Variants in CADM2 observed in about 807,000 individuals in gnomAD.
The protein encoded by CADM2 is cell adhesion molecule 2.
Under a neutral mutation model 49.8 loss-of-function variants are expected in CADM2, and 12 were observed. The ratio of observed to expected loss-of-function variants is 0.24; its 90% CI spans 0.15 to 0.39. The LOEUF is 0.39. CADM2 is among the 10% of genes least tolerant of loss of function. CADM2 has a pLI of 1.00. For missense variants in CADM2, 378 were observed against 492.3 expected (o/e 0.77, Z 2.20); for synonymous variants, 214 against 175.4 (o/e 1.22, Z -1.74).
At chr3:85,654,983 G>A (rs946673624) in intron 1 of CADM2, among the ~76,000 whole-genome samples, 1 of 152,084 alleles carries the variant, frequency 6.6e-6, no homozygotes, top group Non-Finnish European at 1.5e-5. Context: ...AAAAAATTGG[G>A]AATTAAATCA....
intron 8 of CADM2, among the ~76,000 whole-genome samples, chr3:86,034,939 C>A (rs1302473809): frequency 6.6e-6 from 1 of 151,938 alleles, no homozygotes; most frequent in Non-Finnish European, 1.5e-5. Context: ...TTGTTGCAGG[C>A]TTTATTTGTC....
intron 7 of CADM2, among the ~76,000 whole-genome samples, chr3:85,954,653 T>C (rs115220744): frequency 1.3e-5 from 2 of 151,330 alleles, no homozygotes; most frequent in Non-Finnish European, 3.0e-5. Flanking sequence ...AAAGGGGAAA[T>C]GCCTAAGCTA....
intron 3 of CADM2, among the ~76,000 whole-genome samples, chr3:85,828,697 A>C (rs2074039309): frequency 1.3e-5 from 2 of 151,766 alleles, no homozygotes; most frequent in South Asian, 2.1e-4. Flanking sequence ...TTGTTCTTTC[A>C]GCTATCTAAC....
intron 1 of CADM2, among the ~76,000 whole-genome samples, chr3:85,652,742 A>G (rs1343767793): frequency 6.7e-6 from 1 of 149,618 alleles, no homozygotes; most frequent in Non-Finnish European, 1.5e-5. Context: ...CAATGTGCAT[A>G]CAAATAACCT....
chr3:85,598,418 A>AT (rs2063304205), intron 1 of CADM2, among the ~76,000 whole-genome samples: 1 of 151,912 alleles, frequency 6.6e-6, no homozygotes, highest in African/African-American at 2.4e-5. Context: ...AATATTTAGA[A>AT]TTTTTTAGAT....
chr3:85,966,524 T>A lies in CADM2; in HGVS notation c.970+4877T>A, dbSNP rs879454368. The stretch of plus-strand genomic sequence containing the variant: ...TCCTTTATTATCTTAACTCTTGCTA[T>A]CATTTAGAATGAAATTGCCCACTAT... On this transcript the variant is annotated intron_variant, in intron 8 of 9. Coordinates refer to ENST00000383699, the MANE Select transcript of CADM2 (RefSeq NM_001167675.2). Among the ~76,000 whole-genome samples, 61 of 151,688 alleles carry A rather than the reference T, an allele frequency of 4.0e-4. 1 individual carries two copies. Among genetic ancestry groups the A allele is most frequent in the Non-Finnish European group, 1.5e-4 (10 of 67,790 alleles).
chr3:85,152,649 T>C (rs1179028205), intron 1 of CADM2, among the ~76,000 whole-genome samples: 1 of 152,062 alleles, frequency 6.6e-6, no homozygotes, highest in Non-Finnish European at 1.5e-5. Context: ...CACACATTCT[T>C]TCTAAAGTGT....
At chr3:85,761,367 CTTTTTTT>C (rs529447125) in intron 2 of CADM2, among the ~76,000 whole-genome samples, 2 of 101,086 alleles carry the variant, frequency 2.0e-5, no homozygotes, top group South Asian at 3.4e-4. Flanking sequence ...CAACACAAAA[CTTTTTTT>C]TTTTTTTTTT....
At chr3:85,350,388 C>T (rs1205113254) in intron 1 of CADM2, among the ~76,000 whole-genome samples, 1 of 152,092 alleles carries the variant, frequency 6.6e-6, no homozygotes, top group Non-Finnish European at 1.5e-5. Context: ...TTTATTTTGA[C>T]ATGATTGCCA....
chr3:85,117,141 A>C (rs1211385745), intron 1 of CADM2, among the ~76,000 whole-genome samples: 1 of 152,176 alleles, frequency 6.6e-6, no homozygotes, highest in Non-Finnish European at 1.5e-5. Flanking sequence ...AGATTACTTG[A>C]ACCCGGGAGG....
intron 1 of CADM2, among the ~76,000 whole-genome samples, chr3:85,090,257 C>G (rs981532951): frequency 6.6e-6 from 1 of 152,028 alleles, no homozygotes; most frequent in Admixed American, 6.6e-5. Context: ...TTTATGTGAG[C>G]AAATGGGAGA....
chr3:85,334,275 A>G (rs1410573134), intron 1 of CADM2, among the ~76,000 whole-genome samples: 1 of 151,498 alleles, frequency 6.6e-6, no homozygotes, highest in Non-Finnish European at 1.5e-5. Flanking sequence ...TTAAATAGCA[A>G]TAGGTATCAA....
chr3:85,516,480 A>G (rs1045385073), intron 1 of CADM2, among the ~76,000 whole-genome samples: 20 of 152,266 alleles, frequency 1.3e-4, no homozygotes, highest in African/African-American at 4.8e-4. Flanking sequence ...GAAAAAATAG[A>G]AGGAAAATCA....
intron 8 of CADM2, among the ~76,000 whole-genome samples, chr3:86,004,115 T>C (rs976940796): frequency 6.6e-6 from 1 of 152,012 alleles, no homozygotes; most frequent in Non-Finnish European, 1.5e-5. Flanking sequence ...GGTTGCTGCA[T>C]GAGGGATTGA....
chr3:85,849,559 A>G (rs2075012837), intron 3 of CADM2, among the ~76,000 whole-genome samples: 1 of 152,242 alleles, frequency 6.6e-6, no homozygotes, highest in Non-Finnish European at 1.5e-5. Context: ...TAACACAATT[A>G]CATTTTTATT....
chr3:85,568,467 T>C (rs113631177), intron 1 of CADM2, among the ~76,000 whole-genome samples: 12,163 of 24,414 alleles, frequency 0.5, 3,716 homozygotes, highest in East Asian at 0.76. Context: ...TTCTTTCTCT[T>C]TCTCTCTCTT....
intron 1 of CADM2, among the ~76,000 whole-genome samples, chr3:85,105,987 T>C (rs538675668): frequency 6.6e-6 from 1 of 152,168 alleles, no homozygotes; most frequent in Non-Finnish European, 1.5e-5. Flanking sequence ...GAGATATACC[T>C]AATGCTAAAT....
rs150142584 is a variant in CADM2 at position 85,812,432 on chromosome 3, T to C, written c.238+10236T>C. On this transcript the variant is annotated intron_variant, in intron 3 of 9. Transcript: ENST00000383699. ...ACTGCACCGGGGCCTAATTTCTTGG[T>C]GACATACTGATTTCTGGTGACATAG... Among the ~76,000 whole-genome samples, 379 of 152,276 alleles carry C rather than the reference T, an allele frequency of 2.5e-3. 1 individual carries two copies. The highest frequency in any genetic ancestry group is 8.8e-3 in the African/African-American group (365 of 41,564).
intron 1 of CADM2, among the ~76,000 whole-genome samples, chr3:85,655,005 G>T (rs958570548): frequency 6.6e-6 from 1 of 152,096 alleles, no homozygotes; most frequent in African/African-American, 2.4e-5. Flanking sequence ...TTAACAAAGT[G>T]GCCCAAGGTC....
Sources: allele counts gnomAD v4.1 joint callset (sites outside exome capture counted in the v4.1 genomes callset), GRCh38; gene constraint gnomAD v4.1.1; transcripts MANE v1.5; gene names NCBI Gene and HGNC (gene_info 2026-07-23, HGNC 2026-07-21).